CNTNAP2: variants seen among roughly 807,000 people sequenced by gnomAD.
The protein encoded by CNTNAP2 is contactin associated protein 2, also known as contactin-associated protein-like 2.
Under a neutral mutation model 155.2 loss-of-function variants are expected in CNTNAP2, and 98 were observed. The ratio of observed to expected loss-of-function variants is 0.63; its 90% CI spans 0.54 to 0.75. The LOEUF (loss-of-function observed/expected upper bound fraction) is 0.75, where lower values mean the gene tolerates loss of function less well. Ranked by LOEUF, CNTNAP2 falls within the 30% of genes least tolerant of loss-of-function variation. The pLI is 0.00. For missense variants in CNTNAP2, 1,727 were observed against 1,688.1 expected, an observed-to-expected ratio of 1.02 and a Z score of -0.40; for synonymous variants, 651 against 631.2, an observed-to-expected ratio of 1.03 and a Z score of -0.47.
chr7:146,591,967 A>G (rs1370270709), intron 1 of CNTNAP2, among the ~76,000 whole-genome samples: 1 of 152,224 alleles, frequency 6.6e-6, no homozygotes, highest in African/African-American at 2.4e-5. Flanking sequence ...AATTCAGAGT[A>G]TCACCATCCA....
chr7:148,106,827 C>T (rs1804234259), intron 15 of CNTNAP2, among the ~76,000 whole-genome samples: 1 of 152,160 alleles, frequency 6.6e-6, no homozygotes, highest in Admixed American at 6.5e-5. Context: ...TTGTTATTCC[C>T]CGCTTTCTGG....
At chr7:146,450,746 T>C (rs1235528805) in intron 1 of CNTNAP2, among the ~76,000 whole-genome samples, 1 of 152,128 alleles carries the variant, frequency 6.6e-6, no homozygotes, top group Non-Finnish European at 1.5e-5. Context: ...AAAGATATTG[T>C]TTTATGATCT....
intron 21 of CNTNAP2, among the ~76,000 whole-genome samples, chr7:148,317,922 C>T (rs1797720061): frequency 1.3e-5 from 2 of 152,074 alleles, no homozygotes; most frequent in Non-Finnish European, 2.9e-5. Context: ...ACCTCGTGAT[C>T]CGCCTAACTC....
At chr7:146,454,860 A>G (rs533574096) in intron 1 of CNTNAP2, among the ~76,000 whole-genome samples, 1 of 152,182 alleles carries the variant, frequency 6.6e-6, no homozygotes, top group Non-Finnish European at 1.5e-5. Flanking sequence ...GTTAGCTTAG[A>G]ACTGGCATCT....
chr7:147,307,761 C>T (rs965727092), intron 9 of CNTNAP2, among the ~76,000 whole-genome samples: 4 of 152,020 alleles, frequency 2.6e-5, no homozygotes, highest in Non-Finnish European at 2.9e-5. Context: ...TTTTTGAATT[C>T]GCTTTGATGT....
chr7:146,603,845 G>T (rs1486456921), intron 1 of CNTNAP2, among the ~76,000 whole-genome samples: 4 of 147,436 alleles, frequency 2.7e-5, no homozygotes, highest in Non-Finnish European at 6.0e-5. Context: ...TTTAATAAAT[G>T]GTGCTGGGAA....
intron 19 of CNTNAP2, among the ~76,000 whole-genome samples, chr7:148,220,610 A>G (rs1309615904): frequency 6.8e-6 from 1 of 146,930 alleles, no homozygotes; most frequent in Non-Finnish European, 1.5e-5. Flanking sequence ...GTGAAATATT[A>G]GCTCCATAAA....
At chr7:146,802,123 C>A (rs1053783146) in intron 2 of CNTNAP2, among the ~76,000 whole-genome samples, 1 of 152,206 alleles carries the variant, frequency 6.6e-6, no homozygotes, top group African/African-American at 2.4e-5. Context: ...TATCAACTCA[C>A]AGTTCTATAG....
intron 1 of CNTNAP2, among the ~76,000 whole-genome samples, chr7:146,266,457 C>T (rs188892248): frequency 6.6e-6 from 1 of 152,140 alleles, no homozygotes; most frequent in African/African-American, 2.4e-5. Context: ...TTGACAAGTA[C>T]AGTAGATAAG....
At chr7:147,741,402 T>C (rs1796954291) in intron 13 of CNTNAP2, among the ~76,000 whole-genome samples, 1 of 152,228 alleles carries the variant, frequency 6.6e-6, no homozygotes, top group Non-Finnish European at 1.5e-5. Flanking sequence ...CTCTTTTGCT[T>C]ACATGAGATC....
chr7:146,462,853 A>T (rs1796658239), intron 1 of CNTNAP2, among the ~76,000 whole-genome samples: 1 of 152,186 alleles, frequency 6.6e-6, no homozygotes, highest in African/African-American at 2.4e-5. Context: ...CTCTCTCATC[A>T]TCTCTTTCTG....
intron 4 of CNTNAP2, among the ~76,000 whole-genome samples, chr7:147,094,398 C>T (rs1251707420): frequency 5.6e-5 from 5 of 89,614 alleles, no homozygotes; most frequent in African/African-American, 2.3e-4. Flanking sequence ...TATTATTATT[C>T]CTTTTTTTTT....
intron 13 of CNTNAP2, among the ~76,000 whole-genome samples, chr7:147,651,203 C>T (rs1795444961): frequency 6.6e-6 from 1 of 152,182 alleles, no homozygotes. Flanking sequence ...CTGGGGCACA[C>T]TATCAGGAAG....
At chr7:146,540,826 G>T (rs1369023918) in intron 1 of CNTNAP2, among the ~76,000 whole-genome samples, 1 of 151,970 alleles carries the variant, frequency 6.6e-6, no homozygotes, top group Non-Finnish European at 1.5e-5. Flanking sequence ...CTAAATTTTT[G>T]AGGGGAAATG....
intron 12 of CNTNAP2, among the ~76,000 whole-genome samples, chr7:147,612,564 C>T (rs1361506918): frequency 1.3e-5 from 2 of 151,902 alleles, no homozygotes; most frequent in Non-Finnish European, 2.9e-5. Context: ...CCATGCCTGG[C>T]TAATTTTTGT....
chr7:148,125,015 G>A (rs560253003), intron 16 of CNTNAP2, among the ~76,000 whole-genome samples: 13 of 152,256 alleles, frequency 8.5e-5, no homozygotes, highest in Admixed American at 6.5e-4. Context: ...CAAGCATTTT[G>A]TATTGTTAGA....
intron 8 of CNTNAP2, among the ~76,000 whole-genome samples, chr7:147,194,980 C>A (rs558261361): frequency 1.3e-5 from 2 of 152,242 alleles, no homozygotes; most frequent in African/African-American, 2.4e-5. Flanking sequence ...GCATTTTTGT[C>A]ATGAAGTCTT....
At chr7:146,628,134 G>A (rs973928696) in intron 1 of CNTNAP2, among the ~76,000 whole-genome samples, 1 of 152,222 alleles carries the variant, frequency 6.6e-6, no homozygotes, top group African/African-American at 2.4e-5. Flanking sequence ...TAAGCAGGAA[G>A]TAATTTCTTA....
At chr7:147,327,698 A>G (rs1296216740) in intron 9 of CNTNAP2, among the ~76,000 whole-genome samples, 1 of 152,152 alleles carries the variant, frequency 6.6e-6, no homozygotes, top group Non-Finnish European at 1.5e-5. Flanking sequence ...AGAACAAGAG[A>G]CTTACATATA....
Sources: gnomAD v4.1 joint callset for allele counts (sites outside exome capture counted in the v4.1 genomes callset) on GRCh38, gnomAD v4.1.1 for gene constraint, MANE v1.5 for transcripts, NCBI Gene and HGNC (gene_info 2026-07-23, HGNC 2026-07-21) for gene names.